The following DDX10 variants were observed in gnomAD, a reference collection of about 807,000 sequenced individuals.
DDX10 encodes DEAD-box helicase 10, also known as probable ATP-dependent RNA helicase DDX10.
DDX10 carries 74 observed loss-of-function variants against 104.3 expected under a neutral mutation model. That is an observed-to-expected ratio of 0.71 (90% CI 0.59 to 0.86). The LOEUF is 0.86. Ranked by LOEUF, DDX10 falls within the 40% of genes least tolerant of loss-of-function variation. The probability of loss-of-function intolerance (pLI) is 0.00; values close to 1 mark genes in which losing one functional copy is unlikely to be tolerated. For missense variants in DDX10, 952 were observed against 1,040.0 expected, an observed-to-expected ratio of 0.92 and a Z score of 1.16; for synonymous variants, 351 against 353.4, an observed-to-expected ratio of 0.99 and a Z score of 0.08.
chr11:108,795,485 T>TC (rs71050886), intron 13 of DDX10, among the ~76,000 whole-genome samples: 1 of 137,108 alleles, frequency 7.3e-6, no homozygotes, highest in Non-Finnish European at 1.6e-5. Flanking sequence ...ATGCTATCTC[T>TC]CCCCCCTCCC....
intron 16 of DDX10, among the ~76,000 whole-genome samples, chr11:108,872,325 TC>T (rs1296046021): frequency 1.8e-4 from 27 of 152,236 alleles, no homozygotes; most frequent in African/African-American, 6.0e-4. Context: ...TGTTCTATCT[TC>T]CTGTCTATAA....
intron 13 of DDX10, among the ~76,000 whole-genome samples, chr11:108,751,865 A>C (rs921492065): frequency 1.3e-5 from 2 of 152,130 alleles, no homozygotes; most frequent in Non-Finnish European, 2.9e-5. Context: ...GTACTAAGTA[A>C]GCTGGTAGTG....
chr11:108,667,838 T>C (rs532009168), intron 1 of DDX10, among the ~76,000 whole-genome samples: 1 of 152,338 alleles, frequency 6.6e-6, no homozygotes, highest in East Asian at 1.9e-4. Context: ...CTACTGTGCA[T>C]CTGTAGCATT....
At chr11:108,799,955 G>C (rs1443162145) in intron 13 of DDX10, among the ~76,000 whole-genome samples, 3 of 151,900 alleles carry the variant, frequency 2.0e-5, no homozygotes, top group Admixed American at 6.6e-5. Flanking sequence ...GTCTCTCTCT[G>C]TTACCCAGGC....
At chr11:108,692,080 A>G (rs777624816) in intron 8 of DDX10, 42 bp downstream of exon 8, 8 of 1,538,200 alleles carry the variant, frequency 5.2e-6, no homozygotes, top group Non-Finnish European at 7.0e-6. Context: ...GATTGTGTGA[A>G]ATGTAATTTG....
chr11:108,875,429 C>G (rs1364199406), intron 16 of DDX10, among the ~76,000 whole-genome samples: 4 of 152,102 alleles, frequency 2.6e-5, no homozygotes, highest in African/African-American at 9.7e-5. Flanking sequence ...TTAGAACTCC[C>G]TGTAGCCTTT....
At chr11:108,937,331 T>C (rs964755291) in intron 17 of DDX10, among the ~76,000 whole-genome samples, 4 of 152,178 alleles carry the variant, frequency 2.6e-5, no homozygotes, top group African/African-American at 9.7e-5. Context: ...TACAAGTATC[T>C]GAAAAAATTA....
intron 13 of DDX10, among the ~76,000 whole-genome samples, chr11:108,760,384 A>G (rs1255047365): frequency 6.6e-6 from 1 of 152,076 alleles, no homozygotes; most frequent in East Asian, 1.9e-4. Flanking sequence ...TGGAAATGCT[A>G]AATTCTTTTC....
At chr11:108,895,191 G>T (rs564726091) in intron 16 of DDX10, among the ~76,000 whole-genome samples, 10 of 151,966 alleles carry the variant, frequency 6.6e-5, no homozygotes, top group Admixed American at 6.6e-4. Context: ...GTTTTAAAAG[G>T]TGTAGGTATT....
intron 17 of DDX10, among the ~76,000 whole-genome samples, chr11:108,937,970 G>A (rs1864057363): frequency 6.6e-6 from 1 of 152,148 alleles, no homozygotes; most frequent in Non-Finnish European, 1.5e-5. Flanking sequence ...GTGCTGACAC[G>A]AAGATAAAAT....
At chr11:108,830,653 T>C (rs554507049) in intron 13 of DDX10, among the ~76,000 whole-genome samples, 52 of 152,206 alleles carry the variant, frequency 3.4e-4, no homozygotes, top group Admixed American at 3.9e-4. Flanking sequence ...GCTTTCAACT[T>C]TCTATGTTTA....
chr11:108,796,846 T>C (rs1861947814), intron 13 of DDX10, among the ~76,000 whole-genome samples: 1 of 152,088 alleles, frequency 6.6e-6, no homozygotes, highest in Non-Finnish European at 1.5e-5. Context: ...TGTGAGTGGG[T>C]TTCCTAAAAA....
intron 16 of DDX10, among the ~76,000 whole-genome samples, chr11:108,891,425 A>G (rs1248267785): frequency 1.3e-5 from 2 of 152,150 alleles, no homozygotes; most frequent in African/African-American, 4.8e-5. Context: ...AAGTCTGTCT[A>G]TCCAGTTGAC....
chr11:108,761,609 G>A (rs1184564921), intron 13 of DDX10, among the ~76,000 whole-genome samples: 1 of 151,974 alleles, frequency 6.6e-6, no homozygotes, highest in Admixed American at 6.6e-5. Flanking sequence ...AAACATGTGG[G>A]GATCACTGTA....
intron 17 of DDX10, among the ~76,000 whole-genome samples, chr11:108,933,885 A>G (rs1864005095): frequency 6.6e-6 from 1 of 152,242 alleles, no homozygotes; most frequent in Non-Finnish European, 1.5e-5. Flanking sequence ...AGCTCAGCCC[A>G]GTGGGTTTAT....
Position 108,673,561 on chromosome 11 carries a change from G to T in DDX10, c.247+34G>T. On this transcript the variant is annotated intron_variant, in intron 2 of 17. Transcript: ENST00000322536. ...ATGGTGATCTTGGGATGTGTTATTG[G>T]ATTTCTTGGCATTTTTGATAAATGG... 2.7e-6 allele frequency: 4 copies of T among 1,480,006 alleles called. No individual in the cohort carries two copies. In the South Asian group the frequency reaches 3.6e-5, roughly 13 times the overall value. The allele number at this position is 1,480,006 out of a possible 1,614,324, so 91.7% of individuals were successfully genotyped here. A position where few individuals can be genotyped will look rare whatever the true frequency, so the allele number is the denominator to read the frequency against.
chr11:108,926,261 A>T (rs182799408), intron 17 of DDX10, among the ~76,000 whole-genome samples: 1 of 152,276 alleles, frequency 6.6e-6, no homozygotes, highest in Admixed American at 6.5e-5. Context: ...TTCGTGAAAA[A>T]TGATGGCATG....
intron 13 of DDX10, 131 bp downstream of exon 13, chr11:108,723,593 C>T: frequency 2.3e-6 from 2 of 855,354 alleles, no homozygotes; most frequent in Non-Finnish European, 3.5e-6. Flanking sequence ...AACTCTTCCT[C>T]CTTTCCCCCA....
Position 108,678,310 on chromosome 11 carries a change from T to A in DDX10, c.538-5T>A. The stretch of plus-strand genomic sequence containing the variant: ...TGTGTAATCAAAATAAATAACTGTT[T>A]TCAGGATCTAAAACACGAAGCTGAG... On this transcript the variant is annotated splice_region_variant and splice_polypyrimidine_tract_variant and intron_variant, in intron 4 of 17. Transcript: ENST00000322536. 6.2e-7 allele frequency: 1 copy of A among 1,606,906 alleles called. No individual in the cohort carries two copies. The highest frequency in any genetic ancestry group is 8.5e-7 in the Non-Finnish European group (1 of 1,177,628).
Sources: gnomAD v4.1 joint callset for allele counts (sites outside exome capture counted in the v4.1 genomes callset) on GRCh38, gnomAD v4.1.1 for gene constraint, MANE v1.5 for transcripts, NCBI Gene and HGNC (gene_info 2026-07-23, HGNC 2026-07-21) for gene names.